Variants in MAP9 observed in about 807,000 individuals in gnomAD.
The protein encoded by MAP9 is microtubule-associated protein 9.
MAP9 carries 80 observed loss-of-function variants against 75.2 expected under a neutral mutation model. The observed-to-expected ratio is 1.06, with a 90% CI of 0.89 to 1.28. The LOEUF (loss-of-function observed/expected upper bound fraction) is 1.28. Ranked by LOEUF, MAP9 falls within the 50% of genes most tolerant of loss-of-function variation. MAP9 has a pLI of 0.00. For synonymous variants in MAP9, 235 were observed against 237.3 expected (o/e 0.99, Z 0.09); for missense variants, 753 against 719.9 (o/e 1.05, Z -0.53).
intron 5 of MAP9, among the ~76,000 whole-genome samples, chr4:155,365,165 C>T (rs1383591219): frequency 6.6e-6 from 1 of 151,782 alleles, no homozygotes; most frequent in Non-Finnish European, 1.5e-5. Flanking sequence ...GATTCACTTA[C>T]ATGAAAAGAC....
chr4:155,355,831 G>C lies in MAP9; in HGVS notation c.1175C>G (p.Ser392Trp). ...TAAATAGTGAGAAGAGGTAGTTGTC[G>C]ATGGAGTTCTCCTTTTAGAACTAGA... ...KKSSSKRRTP[S>W]TTTSSHYLGT... is the part of the protein sequence containing the mutation. The change falls in exon 9 of 14, where the codon TCG becomes TGG. Residue 392 changes from serine to tryptophan, a missense_variant. Ser to Trp is a radical substitution (Grantham distance 177). Transcript: ENST00000311277. The C allele has an allele frequency of 6.2e-7, 1 of 1,613,578 alleles. No individual in the cohort carries two copies. Among genetic ancestry groups the C allele is most frequent in the South Asian group, 1.1e-5 (1 of 91,072 alleles).
intron 5 of MAP9, among the ~76,000 whole-genome samples, chr4:155,364,494 T>G (rs1274861807): frequency 6.8e-6 from 1 of 147,306 alleles, no homozygotes; most frequent in Non-Finnish European, 1.5e-5. Flanking sequence ...GAATAGAATA[T>G]ATATTACCTA....
intron 11 of MAP9, 33 bp from the exon 12 acceptor site, chr4:155,353,090 A>C: frequency 2.0e-6 from 3 of 1,533,080 alleles, no homozygotes; most frequent in Non-Finnish European, 2.6e-6. Flanking sequence ...TCTTACTGTG[A>C]ATATTTGAAA....
At chr4:155,362,815 A>G in intron 5 of MAP9, 1 of 152,298 alleles carries the variant, frequency 6.6e-6, no homozygotes, top group South Asian at 2.1e-4. Context: ...CTTTCTCCGC[A>G]GTATTTTATG....
intron 5 of MAP9, among the ~76,000 whole-genome samples, chr4:155,363,464 G>A (rs558926018): frequency 3.3e-5 from 5 of 152,132 alleles, no homozygotes; most frequent in Admixed American, 1.3e-4. Flanking sequence ...GATGACTCAC[G>A]TTTTAGAGTT....
Position 155,344,401 on chromosome 4 carries a change from G to A in MAP9, c.*3382C>T, listed in dbSNP as rs1208984463. The stretch of plus-strand genomic sequence containing the variant: ...TCTAACTCTAGATGTACCATAGTTA[G>A]TTGTATGAGATTGGACAAGTCAAAG... On this transcript the variant is annotated 3_prime_UTR_variant, in exon 14 of 14. Coordinates refer to ENST00000311277, the MANE Select transcript of MAP9 (RefSeq NM_001039580.2). 2.0e-5 allele frequency: 3 copies of A among 151,972 alleles called. No individual in the cohort carries two copies. The highest frequency in any genetic ancestry group is 4.4e-5 in the Non-Finnish European group (3 of 67,878). The allele number at this position is 151,972 out of a possible 1,614,324, so 9.4% of individuals were successfully genotyped here. A position where few individuals can be genotyped will look rare whatever the true frequency, so the allele number is the denominator to read the frequency against.
intron 4 of MAP9, among the ~76,000 whole-genome samples, chr4:155,369,256 G>A (rs1343710971): frequency 6.7e-6 from 1 of 150,196 alleles, no homozygotes; most frequent in Non-Finnish European, 1.5e-5. Context: ...CCAGGAGTCT[G>A]AGGTTGCAGT....
At chr4:155,375,983 T>C (rs1050365278) in intron 1 of MAP9, 69 bp from the exon 2 acceptor site, 2 of 590,504 alleles carry the variant, frequency 3.4e-6, no homozygotes, top group African/African-American at 3.8e-5. Context: ...GATTCTACTC[T>C]CCCCACAAAG....
chr4:155,368,315 T>C, intron 5 of MAP9: 1 of 560,442 alleles, frequency 1.8e-6, no homozygotes, highest in Non-Finnish European at 3.1e-6. Flanking sequence ...CTGGATAAAC[T>C]CTACAATCAC....
chr4:155,376,409 A>G (rs1732847646), intron 1 of MAP9: 1 of 152,272 alleles, frequency 6.6e-6, no homozygotes, highest in African/African-American at 2.4e-5. Flanking sequence ...TTGCAAGCCA[A>G]TTTTTCCTCT....
rs1210848622 is a variant in MAP9 at position 155,360,161 on chromosome 4, C to T, written c.1050+7G>A. ...GTAGTATGAAAAGTATGAATTTTTA[C>T]AAATACCTTTGAAGATGCTGTTGCA... On this transcript the variant is annotated splice_region_variant and intron_variant, in intron 7 of 13. Coordinates refer to ENST00000311277, the MANE Select transcript of MAP9 (RefSeq NM_001039580.2). 2 of 1,602,900 alleles carry T rather than the reference C, an allele frequency of 1.2e-6. No individual in the cohort carries two copies. The highest frequency in any genetic ancestry group is 4.5e-5 in the East Asian group (2 of 44,576).
intron 12 of MAP9, 26 bp downstream of exon 12, chr4:155,352,886 T>C: frequency 2.0e-6 from 3 of 1,472,478 alleles, no homozygotes; most frequent in Non-Finnish European, 2.7e-6. Flanking sequence ...TTAAAATATA[T>C]CAAAATATTT....
chr4:155,359,079 C>T (rs1258874852), intron 7 of MAP9, among the ~76,000 whole-genome samples: 2 of 151,678 alleles, frequency 1.3e-5, no homozygotes, highest in Non-Finnish European at 2.9e-5. Context: ...GAGTATCTGC[C>T]AAAAGGAAAA....
intron 10 of MAP9, 94 bp downstream of exon 10, chr4:155,354,977 C>A: frequency 1.9e-6 from 1 of 537,750 alleles, no homozygotes; most frequent in Non-Finnish European, 3.3e-6. Context: ...AGTTATTTTG[C>A]CATTTAAAAA....
Position 155,352,661 on chromosome 4 carries a change from CTTCCT to C in MAP9, c.1751_1755del (p.Lys584ArgfsTer6), listed in dbSNP as rs774334367. 132 of 1,538,508 alleles carry C rather than the reference CTTCCT, an allele frequency of 8.6e-5. No individual in the cohort carries two copies. In the African/African-American group the frequency reaches 1.5e-3, roughly 18 times the overall value. On this transcript the variant is annotated frameshift_variant, in exon 13 of 14. Transcript: ENST00000311277. LOFTEE classifies it high-confidence loss of function. ...TCTTTTTTCTCAGCTCTTTTCAGTT[CTTCCT>C]TTCTTTTCTCATTTATTTTTTCTTT... is the stretch of plus-strand genomic sequence containing the variant.
At chr4:155,360,838 T>C (rs927359940) in intron 6 of MAP9, 1 of 163,928 alleles carries the variant, frequency 6.1e-6, no homozygotes, top group Non-Finnish European at 1.3e-5. Flanking sequence ...TTACTAGTAG[T>C]ACAATTGTTG....
chr4:155,372,913 C>T (rs1732664570), intron 4 of MAP9: 1 of 352,872 alleles, frequency 2.8e-6, no homozygotes, highest in South Asian at 5.5e-5. Context: ...AGGCAACAGC[C>T]TAGATGCAAG....
intron 5 of MAP9, 155 bp downstream of exon 5, chr4:155,368,431 G>GTT (rs1351965834): frequency 1.5e-6 from 1 of 668,384 alleles, no homozygotes. Context: ...GGAATACAGT[G>GTT]TATTTTTAAA....
At chr4:155,372,567 C>T (rs538223566) in intron 4 of MAP9, among the ~76,000 whole-genome samples, 1 of 152,330 alleles carries the variant, frequency 6.6e-6, no homozygotes, top group Admixed American at 6.5e-5. Flanking sequence ...AGTAGATTTT[C>T]ATAGGCAATA....
Sources: allele counts gnomAD v4.1 joint callset (sites outside exome capture counted in the v4.1 genomes callset), GRCh38; gene constraint gnomAD v4.1.1; transcripts MANE v1.5; gene names NCBI Gene and HGNC (gene_info 2026-07-23, HGNC 2026-07-21).